The following CDON variants were observed in gnomAD, a reference collection of about 807,000 sequenced individuals.
CDON encodes the protein cell adhesion associated, oncogene regulated, also known as cell adhesion molecule-related/down-regulated by oncogenes.
In CDON, 73 loss-of-function variants were observed where a neutral mutation model predicts 120.9. The observed-to-expected ratio is 0.60, with a 90% CI of 0.50 to 0.73. The LOEUF (loss-of-function observed/expected upper bound fraction) is 0.73. CDON is among the 30% of genes least tolerant of loss of function. CDON has a pLI of 0.00. For synonymous variants in CDON, 566 were observed against 573.5 expected, an observed-to-expected ratio of 0.99 and a Z score of 0.19; for missense variants, 1,470 against 1,587.3, an observed-to-expected ratio of 0.93 and a Z score of 1.26.
intron 1 of CDON, among the ~76,000 whole-genome samples, chr11:126,055,723 C>G (rs1406171624): frequency 6.6e-6 from 1 of 152,104 alleles, no homozygotes; most frequent in Non-Finnish European, 1.5e-5. Flanking sequence ...ACTGGGCCAA[C>G]AAATGGCTTC....
At chr11:126,003,616 C>CGA (rs767287188) in intron 10 of CDON, among the ~76,000 whole-genome samples, 3 of 152,026 alleles carry the variant, frequency 2.0e-5, no homozygotes, top group Non-Finnish European at 2.9e-5. Context: ...GTCAGGAGAT[C>CGA]GAGACCATCC....
chr11:125,967,186 G>C (rs1194833313), intron 18 of CDON, among the ~76,000 whole-genome samples: 2 of 152,186 alleles, frequency 1.3e-5, no homozygotes, highest in African/African-American at 4.8e-5. Flanking sequence ...CAAAACACTG[G>C]AGGGGGAAAT....
chr11:126,039,254 A>G (rs1418516744), intron 1 of CDON, among the ~76,000 whole-genome samples: 2 of 152,212 alleles, frequency 1.3e-5, no homozygotes, highest in African/African-American at 2.4e-5. Context: ...AGGTCATTTT[A>G]CTCAATGGAA....
intron 18 of CDON, among the ~76,000 whole-genome samples, chr11:125,968,242 C>G (rs1945861561): frequency 6.6e-6 from 1 of 152,206 alleles, no homozygotes; most frequent in African/African-American, 2.4e-5. Context: ...ACAATGATGA[C>G]TCGCCAGACA....
upstream of CDON, among the ~76,000 whole-genome samples, chr11:126,062,981 T>C (rs1003787748): frequency 3.3e-5 from 5 of 151,268 alleles, no homozygotes; most frequent in Non-Finnish European, 7.4e-5. Context: ...GACCGGGGAA[T>C]GACTGACGGA....
Position 126,010,352 on chromosome 11 carries a change from G to T in CDON, c.1541C>A (p.Ser514Tyr). The T allele has an allele frequency of 6.2e-7, 1 of 1,607,344 alleles. No homozygotes were observed. The highest frequency in any genetic ancestry group is 8.5e-7 in the Non-Finnish European group (1 of 1,176,398). ...NEHGTTQAEA[S>Y]LMVVPFETNT... ...TAATGGCAACTCACCAACCATGAGA[G>T]ATGCTTCTGCCTGTGTGGTACCATG... Residue 514 changes from serine to tyrosine, a missense_variant, in exon 8 of 20, where the codon TCT becomes TAT. By Grantham distance (144) the Ser-to-Tyr change is moderately radical. Coordinates refer to ENST00000531738, the MANE Select transcript of CDON (RefSeq NM_001378964.1).
chr11:126,049,011 G>A (rs961816956), intron 1 of CDON, among the ~76,000 whole-genome samples: 6 of 142,698 alleles, frequency 4.2e-5, no homozygotes, highest in African/African-American at 1.3e-4. Context: ...GCCAACAGGC[G>A]TGAGCCACCG....
chr11:125,977,259 TGGGTTAAGTAAATGA>T (rs1474601444), intron 18 of CDON, among the ~76,000 whole-genome samples: 1 of 152,120 alleles, frequency 6.6e-6, no homozygotes, highest in Non-Finnish European at 1.5e-5. Context: ...CACCCTGAAA[TGGGTTAAGTAAATGA>T]TAACAAACAA....
chr11:126,040,314 T>G (rs542087179), intron 1 of CDON, among the ~76,000 whole-genome samples: 1 of 152,254 alleles, frequency 6.6e-6, no homozygotes, highest in Admixed American at 6.5e-5. Context: ...AACGGGACCT[T>G]GTCTATTTTG....
intron 1 of CDON, among the ~76,000 whole-genome samples, chr11:126,030,038 A>G (rs1000929915): frequency 4.6e-5 from 7 of 152,190 alleles, no homozygotes; most frequent in Non-Finnish European, 7.3e-5. Context: ...AAATGTCACT[A>G]AACAACAGCT....
At chr11:126,037,425 A>T (rs1303445731) in intron 1 of CDON, among the ~76,000 whole-genome samples, 1 of 152,070 alleles carries the variant, frequency 6.6e-6, no homozygotes, top group Non-Finnish European at 1.5e-5. Flanking sequence ...CTAAGGACAG[A>T]CTATGAGTGG....
At chr11:126,025,871 ATAAAACTAG>A (rs1269514975) in intron 1 of CDON, among the ~76,000 whole-genome samples, 1 of 152,220 alleles carries the variant, frequency 6.6e-6, no homozygotes, top group Non-Finnish European at 1.5e-5. Flanking sequence ...TAAAAGATAA[ATAAAACTAG>A]TAAAACTAAC....
chr11:126,039,543 G>A (rs1213768939), intron 1 of CDON, among the ~76,000 whole-genome samples: 3 of 152,166 alleles, frequency 2.0e-5, no homozygotes, highest in African/African-American at 7.2e-5. Context: ...TCAAAGATCA[G>A]TGTCAAAAAA....
chr11:126,003,773 T>C (rs1392316478), intron 10 of CDON, 129 bp downstream of exon 10: 2 of 845,692 alleles, frequency 2.4e-6, no homozygotes, highest in Non-Finnish European at 3.9e-6. Context: ...TGAGCTGAGA[T>C]TGTGCTACTG....
At chr11:125,990,357 T>C (rs564469278) in intron 14 of CDON, among the ~76,000 whole-genome samples, 50 of 152,314 alleles carry the variant, frequency 3.3e-4, no homozygotes, top group Admixed American at 3.3e-3. Flanking sequence ...CTGCTTTTCT[T>C]TTGAGTCAAG....
chr11:126,017,706 CT>C lies in CDON; in HGVS notation c.641-332del, dbSNP rs11427608. Among the ~76,000 whole-genome samples the C allele has an allele frequency of 3.4e-3, 480 of 140,622 alleles. 4 individuals carry two copies. Among genetic ancestry groups the C allele is most frequent in the South Asian group, 0.013 (56 of 4,360 alleles). The allele number at this position is 140,622 out of a possible 152,430, so 92.3% of individuals were successfully genotyped here. On this transcript the variant is annotated intron_variant, in intron 5 of 19. Coordinates refer to ENST00000531738, the MANE Select transcript of CDON (RefSeq NM_001378964.1). ...TGAAAGAAAGAGGACAGACATATCT[CT>C]TTTTTTTTTTTTTCAAAATTCACAG...
intron 14 of CDON, among the ~76,000 whole-genome samples, chr11:125,991,296 T>G (rs551985570): frequency 1.3e-5 from 2 of 152,200 alleles, no homozygotes; most frequent in Non-Finnish European, 2.9e-5. Context: ...GACAACTAAG[T>G]ACATCATTAG....
intron 15 of CDON, among the ~76,000 whole-genome samples, chr11:125,985,720 C>T (rs1470294929): frequency 6.6e-6 from 1 of 152,196 alleles, no homozygotes; most frequent in Non-Finnish European, 1.5e-5. Context: ...AAAAAATGCT[C>T]ATCATCTCTG....
chr11:126,060,905 C>A (rs1357088684), intron 1 of CDON, among the ~76,000 whole-genome samples: 1 of 152,216 alleles, frequency 6.6e-6, no homozygotes, highest in Non-Finnish European at 1.5e-5. Flanking sequence ...AGATCAGTAT[C>A]CAAGTCCTAA....
Sources: allele counts gnomAD v4.1 joint callset (sites outside exome capture counted in the v4.1 genomes callset), GRCh38; gene constraint gnomAD v4.1.1; transcripts MANE v1.5; gene names NCBI Gene and HGNC (gene_info 2026-07-23, HGNC 2026-07-21).